PADI3: variants seen among roughly 807,000 people sequenced by gnomAD.
PADI3 encodes protein-arginine deiminase type-3.
A neutral mutation model predicts 71.5 loss-of-function variants in PADI3; 53 were observed. The ratio of observed to expected loss-of-function variants is 0.74; its 90% CI spans 0.59 to 0.93. The LOEUF is 0.93. PADI3 is among the 40% of genes least tolerant of loss of function. The probability of loss-of-function intolerance (pLI) is 0.00; values close to 1 mark genes in which losing one functional copy is unlikely to be tolerated. For missense variants in PADI3, 821 were observed against 868.0 expected, an observed-to-expected ratio of 0.95 and a Z score of 0.68; for synonymous variants, 361 against 347.5, an observed-to-expected ratio of 1.04 and a Z score of -0.43.
chr1:17,273,099 C>T lies in PADI3; in HGVS notation c.1048-241C>T, dbSNP rs112149037. Among the ~76,000 whole-genome samples the T allele has an allele frequency of 9.3e-3, 1,421 of 152,288 alleles. 27 individuals carry two copies. The highest frequency in any genetic ancestry group is 0.032 in the African/African-American group (1,350 of 41,560). ...ACCCCCAAGGTCATGTCCATGTTCT[C>T]GTTCACCTCCGGCCTCTGTCTTGCT... On this transcript the variant is annotated intron_variant, in intron 9 of 15. Coordinates refer to ENST00000375460, the MANE Select transcript of PADI3 (RefSeq NM_016233.2).
chr1:17,250,257 C>G (rs773187901), intron 1 of PADI3, among the ~76,000 whole-genome samples: 72 of 152,180 alleles, frequency 4.7e-4, no homozygotes, highest in Non-Finnish European at 8.7e-4. Context: ...GGTTTCTCAA[C>G]CTCAGCACTG....
chr1:17,273,021 C>A (rs1202054454), intron 9 of PADI3, among the ~76,000 whole-genome samples: 1 of 152,148 alleles, frequency 6.6e-6, no homozygotes, highest in Non-Finnish European at 1.5e-5. Context: ...CAACTCAGGC[C>A]ACTGTGAGTG....
At chr1:17,253,566 C>A (rs1043653477) in intron 1 of PADI3, among the ~76,000 whole-genome samples, 1 of 152,140 alleles carries the variant, frequency 6.6e-6, no homozygotes, top group African/African-American at 2.4e-5. Context: ...GGTTCTCAAC[C>A]CTGGAAGTGT....
chr1:17,262,038 G>A, intron 2 of PADI3, 95 bp from the exon 3 acceptor site: 1 of 1,058,680 alleles, frequency 9.4e-7, no homozygotes, highest in Non-Finnish European at 1.4e-6. Flanking sequence ...GGTTCCTTGG[G>A]CCCCCTCCCC....
At chr1:17,251,978 C>T (rs1483309877) in intron 1 of PADI3, among the ~76,000 whole-genome samples, 1 of 152,160 alleles carries the variant, frequency 6.6e-6, no homozygotes, top group Non-Finnish European at 1.5e-5. Context: ...CCAATCAGAC[C>T]CTTGAAGGAT....
At chr1:17,256,476 G>T (rs766804307) in intron 1 of PADI3, among the ~76,000 whole-genome samples, 1 of 152,232 alleles carries the variant, frequency 6.6e-6, no homozygotes, top group Non-Finnish European at 1.5e-5. Flanking sequence ...GTTCACCTGT[G>T]CTAAGCCCTT....
At chr1:17,280,305 G>A (rs749265805) in intron 13 of PADI3, 45 bp from the exon 14 acceptor site, 61 of 1,495,320 alleles carry the variant, frequency 4.1e-5, no homozygotes, top group East Asian at 6.8e-5. Context: ...TGGTCCTCAC[G>A]TTGGTGCTGT....
At chr1:17,258,166 C>T (rs2073051439) in intron 1 of PADI3, among the ~76,000 whole-genome samples, 1 of 152,238 alleles carries the variant, frequency 6.6e-6, no homozygotes, top group Non-Finnish European at 1.5e-5. Context: ...AGCATGAGCT[C>T]AGTAAGTGTC....
At chr1:17,281,798 G>A (rs2073404050) in intron 15 of PADI3, among the ~76,000 whole-genome samples, 1 of 152,140 alleles carries the variant, frequency 6.6e-6, no homozygotes, top group Non-Finnish European at 1.5e-5. Context: ...GGACAGGTGG[G>A]GCCCCACCCC....
intron 1 of PADI3, among the ~76,000 whole-genome samples, chr1:17,257,708 G>C (rs1016199034): frequency 6.6e-6 from 1 of 152,236 alleles, no homozygotes; most frequent in African/African-American, 2.4e-5. Context: ...GTGGAAGAGT[G>C]AAGAGGTTGT....
At chr1:17,250,520 C>T (rs575687379) in intron 1 of PADI3, among the ~76,000 whole-genome samples, 3 of 152,166 alleles carry the variant, frequency 2.0e-5, no homozygotes, top group African/African-American at 7.2e-5. Flanking sequence ...TGATCCAGGG[C>T]ATTGGATGAG....
intron 1 of PADI3, among the ~76,000 whole-genome samples, chr1:17,251,401 C>G (rs976226727): frequency 2.0e-5 from 3 of 152,196 alleles, no homozygotes; most frequent in Non-Finnish European, 2.9e-5. Flanking sequence ...AACTTCCCAG[C>G]TCTCTGACCG....
chr1:17,270,958 C>G lies in PADI3; in HGVS notation c.911C>G (p.Pro304Arg). The change falls in exon 8 of 16, where the codon CCA (proline) becomes CGA (arginine). Residue 304 changes from proline to arginine, a missense_variant. By Grantham distance (103) the Pro-to-Arg change is moderately radical (BLOSUM62 -2). Transcript: ENST00000375460. Reference sequence around the variant, plus strand: ...TGGATCATGACGCCCAGCACTCTGCCACCCCTAGAGGTGTATGTGTGCCGG... The same window carrying G: ...TGGATCATGACGCCCAGCACTCTGCGACCCCTAGAGGTGTATGTGTGCCGG... ...APWIMTPSTLPPLEVYVCRVR... is the reference protein window; with the variant it reads ...APWIMTPSTLRPLEVYVCRVR... 6.2e-7 allele frequency: 1 copy of G among 1,614,118 alleles called. No individual in the cohort carries two copies. Among genetic ancestry groups the G allele is most frequent in the Non-Finnish European group, 8.5e-7 (1 of 1,179,982 alleles).
chr1:17,271,143 C>T lies in PADI3; in HGVS notation c.1012C>T (p.Pro338Ser), dbSNP rs1163143507. 1 of 1,613,548 alleles carries T rather than the reference C, an allele frequency of 6.2e-7. No individual in the cohort carries two copies. The highest frequency in any genetic ancestry group is 8.5e-7 in the Non-Finnish European group (1 of 1,180,020). ...RKAGCKLTIC[P>S]QAENRNDRWI... Reference sequence around the variant, plus strand: ...GGCCGGCTGCAAGCTGACCATCTGCCCACAGGCCGAGAACCGCAACGACCG... The same window carrying T: ...GGCCGGCTGCAAGCTGACCATCTGCTCACAGGCCGAGAACCGCAACGACCG... Residue 338 changes from proline (P) to serine (S), a missense_variant, in exon 9 of 16, where the codon CCA becomes TCA. By Grantham distance (74) the Pro-to-Ser change is moderately conservative. Transcript: ENST00000375460.
rs777221903 is a variant in PADI3, at chr1:17,276,617, G to A, written c.1406G>A (p.Gly469Asp). ...CTCTTTGTGGACTGGTTGGCCGTGG[G>A]CCATGTGGATGAGTTTCTGAGCTTT... ...VELFVDWLAV[G>D]HVDEFLSFVP... Residue 469 changes from glycine (G) to aspartate (D), a missense_variant, in exon 12 of 16, where the codon GGC becomes GAC. Gly to Asp is a moderately conservative substitution (Grantham distance 94). Coordinates refer to ENST00000375460, the MANE Select transcript of PADI3 (RefSeq NM_016233.2). 1.1e-5 allele frequency: 17 copies of A among 1,614,088 alleles called. No homozygotes were observed. Among genetic ancestry groups the A allele is most frequent in the Non-Finnish European group, 1.2e-5 (14 of 1,180,052 alleles).
At chr1:17,274,520 C>A in intron 10 of PADI3, 115 bp from the exon 11 acceptor site, 1 of 889,130 alleles carries the variant, frequency 1.1e-6, no homozygotes, top group Non-Finnish European at 1.8e-6. Flanking sequence ...TGTATTTCCA[C>A]CTGAAGAATG....
intron 6 of PADI3, among the ~76,000 whole-genome samples, chr1:17,268,568 C>T (rs1299873254): frequency 7.7e-6 from 1 of 130,510 alleles, no homozygotes; most frequent in African/African-American, 2.9e-5. Context: ...AGTACAGTGG[C>T]GTGACCTCGG....
At chr1:17,281,254 T>C (rs1295761818) in intron 15 of PADI3, among the ~76,000 whole-genome samples, 2 of 152,180 alleles carry the variant, frequency 1.3e-5, no homozygotes, top group Non-Finnish European at 2.9e-5. Context: ...AGAGGGAAAC[T>C]CTTCCCTTCT....
chr1:17,262,968 G>A (rs1220191709), intron 3 of PADI3, among the ~76,000 whole-genome samples: 1 of 152,196 alleles, frequency 6.6e-6, no homozygotes. Flanking sequence ...AGGCTGGAGT[G>A]CAATGGCACA....
Sources: allele counts gnomAD v4.1 joint callset (sites outside exome capture counted in the v4.1 genomes callset), GRCh38; gene constraint gnomAD v4.1.1; transcripts MANE v1.5; gene names NCBI Gene and HGNC (gene_info 2026-07-23, HGNC 2026-07-21).